MACF1: variants seen among roughly 807,000 people sequenced by gnomAD.
MACF1 encodes the protein microtubule-actin cross-linking factor 1.
Under a neutral mutation model 854.8 loss-of-function variants are expected in MACF1, and 193 were observed. The observed-to-expected ratio is 0.23, with a 90% CI of 0.20 to 0.25. The LOEUF (loss-of-function observed/expected upper bound fraction) is 0.25, where lower values mean the gene tolerates loss of function less well. Ranked by LOEUF, MACF1 falls within the 10% of genes least tolerant of loss-of-function variation. The pLI is 1.00. For missense variants in MACF1, 7,722 were observed against 8,929.1 expected (o/e 0.86, Z 5.45); for synonymous variants, 3,185 against 3,226.7 (o/e 0.99, Z 0.44).
intron 2 of MACF1, among the ~76,000 whole-genome samples, chr1:39,167,119 G>A (rs1643890212): frequency 2.6e-5 from 4 of 151,586 alleles, no homozygotes; most frequent in South Asian, 2.1e-4. Context: ...CTGCCACCAC[G>A]CCCAGCTAAT....
chr1:39,285,500 C>CAT, intron 13 of MACF1, 104 bp from the exon 14 acceptor site: 1 of 1,317,212 alleles, frequency 7.6e-7, no homozygotes, highest in Non-Finnish European at 1.0e-6. Context: ...TATTATTTCC[C>CAT]TTTTTTTTTT....
intron 1 of MACF1, among the ~76,000 whole-genome samples, chr1:39,222,816 T>C (rs1020046837): frequency 2.6e-5 from 4 of 152,224 alleles, no homozygotes; most frequent in African/African-American, 9.6e-5. Flanking sequence ...TCTGGGCTTC[T>C]TGAAGCACTT....
intron 2 of MACF1, among the ~76,000 whole-genome samples, chr1:39,242,522 G>A (rs1644936367): frequency 6.6e-6 from 1 of 152,090 alleles, no homozygotes; most frequent in Non-Finnish European, 1.5e-5. Context: ...GGAGGGTGAG[G>A]CTGGTGGCTT....
At chr1:39,240,894 A>G (rs907394409) in intron 2 of MACF1, among the ~76,000 whole-genome samples, 2 of 152,214 alleles carry the variant, frequency 1.3e-5, no homozygotes, top group African/African-American at 2.4e-5. Context: ...GAATTCTCAA[A>G]ACAGAGATAT....
rs1261855610 is a variant in MACF1, at chr1:39,439,506, A to T, written c.18447+6A>T. The T allele has an allele frequency of 6.2e-7, 1 of 1,609,110 alleles. No homozygotes were observed. Among genetic ancestry groups the T allele is most frequent in the African/African-American group, 1.3e-5 (1 of 74,884 alleles). ...AACAGGTTGAAGCTGCTGAGGTAAG[A>T]AGGAAACAAAACCCTTTTTCTTAGG... On this transcript the variant is annotated splice_donor_region_variant and intron_variant, in intron 72 of 100. Coordinates refer to ENST00000564288, the MANE Select transcript of MACF1 (RefSeq NM_001394062.1).
At position 39,336,054 on chromosome 1, in the gene MACF1, A is replaced by G. The variant is rs1405770037; in HGVS notation, c.9466A>G (p.Lys3156Glu). 3 of 1,613,952 alleles carry G rather than the reference A, an allele frequency of 1.9e-6. No homozygotes were observed. The highest frequency in any genetic ancestry group is 1.3e-5 in the African/African-American group (1 of 74,874). Residue 3156 changes from lysine to glutamate, a missense_variant, in exon 37 of 101, where the codon AAG becomes GAG. Coordinates refer to ENST00000564288, the MANE Select transcript of MACF1 (RefSeq NM_001394062.1). The part of the protein sequence containing the change: ...YQDSWVTSKT[K>E]ETKHQISSSN... ...AGATTCCTGGGTTACTTCGAAAACT[A>G]AGGAAACCAAACATCAAATTTCCTC... is the stretch of plus-strand genomic sequence containing the variant.
At chr1:39,170,673 A>G (rs887874203) in intron 2 of MACF1, among the ~76,000 whole-genome samples, 3 of 152,272 alleles carry the variant, frequency 2.0e-5, no homozygotes, top group Admixed American at 6.5e-5. Context: ...ATATCCACTG[A>G]TACAAATGTA....
At position 39,388,588 on chromosome 1, in the gene MACF1, A is replaced by G. The variant is rs779831172; in HGVS notation, c.15746A>G (p.Glu5249Gly). The G allele has an allele frequency of 1.2e-6, 2 of 1,613,618 alleles. No individual in the cohort carries two copies. The highest frequency in any genetic ancestry group is 1.7e-6 in the Non-Finnish European group (2 of 1,179,896). Residue 5249 changes from glutamate to glycine, a missense_variant, in exon 58 of 101, where the codon GAG becomes GGG. Glu to Gly is a moderately conservative substitution (Grantham distance 98). This residue lies in a region of MACF1 where 2,807 missense variants were observed against 3,235.8 expected (regional missense o/e 0.87). Coordinates refer to ENST00000564288, the MANE Select transcript of MACF1 (RefSeq NM_001394062.1). ...AATGACGCGACCACAGCAGCAGAGGAGGCAGAGGCCCTCCAGTGGGTAGTG... is the reference window on the plus strand; with the variant it reads ...AATGACGCGACCACAGCAGCAGAGGGGGCAGAGGCCCTCCAGTGGGTAGTG... ...GLNDATTAAE[E>G]AEALQWVVGT...
At chr1:39,440,600 T>A (rs973053637) in intron 72 of MACF1, among the ~76,000 whole-genome samples, 1 of 152,190 alleles carries the variant, frequency 6.6e-6, no homozygotes, top group Non-Finnish European at 1.5e-5. Context: ...ACAGAGTTTT[T>A]TTCAAGATCA....
At chr1:39,141,902 A>G (rs1643353981) in intron 2 of MACF1, among the ~76,000 whole-genome samples, 1 of 152,206 alleles carries the variant, frequency 6.6e-6, no homozygotes, top group South Asian at 2.1e-4. Flanking sequence ...TGGAATTGCC[A>G]GTGGTTTTGG....
intron 2 of MACF1, among the ~76,000 whole-genome samples, chr1:39,197,797 G>C (rs1644338881): frequency 6.6e-6 from 1 of 152,190 alleles, no homozygotes; most frequent in Non-Finnish European, 1.5e-5. Flanking sequence ...AAACCAGGAG[G>C]ATTGCTTGAG....
chr1:39,155,170 C>T (rs1008876248), intron 2 of MACF1, among the ~76,000 whole-genome samples: 19 of 152,212 alleles, frequency 1.2e-4, no homozygotes, highest in African/African-American at 4.6e-4. Context: ...TGCACCACCA[C>T]CCTCCTTTCC....
intron 95 of MACF1, among the ~76,000 whole-genome samples, chr1:39,467,365 A>G (rs1313127387): frequency 2.0e-5 from 3 of 151,560 alleles, no homozygotes; most frequent in Non-Finnish European, 4.4e-5. Flanking sequence ...ACTCCATCTC[A>G]AAAAAAAGAA....
At chr1:39,484,186 C>A (rs1272464582) in intron 99 of MACF1, among the ~76,000 whole-genome samples, 1 of 152,166 alleles carries the variant, frequency 6.6e-6, no homozygotes, top group African/African-American at 2.4e-5. Context: ...TGGAGTAATA[C>A]TTGAATCTCC....
chr1:39,254,266 G>A lies in MACF1; in HGVS notation c.358-32G>A, dbSNP rs374647193. ...TCTGTATGGTTAAATTGTGTAGCCA[G>A]AATTAACATCCCTTTTTTTGTTTGT... On this transcript the variant is annotated intron_variant, in intron 4 of 100. Coordinates refer to ENST00000564288, the MANE Select transcript of MACF1 (RefSeq NM_001394062.1). 3.2e-6 allele frequency: 5 copies of A among 1,569,814 alleles called. No individual in the cohort carries two copies. In the East Asian group the frequency reaches 6.7e-5, roughly 21 times the overall value.
chr1:39,293,352 A>G (rs1048023388), intron 17 of MACF1, 106 bp from the exon 18 acceptor site: 1 of 1,073,960 alleles, frequency 9.3e-7, no homozygotes, highest in Non-Finnish European at 1.3e-6. Context: ...CCAGAGATTA[A>G]GAGCAAATTA....
chr1:39,336,060 A>G lies in MACF1; in HGVS notation c.9472A>G (p.Thr3158Ala). ...DSWVTSKTKE[T>A]KHQISSSNEC... ...CTGGGTTACTTCGAAAACTAAGGAA[A>G]CCAAACATCAAATTTCCTCATCTAA... The change falls in exon 37 of 101, where the codon ACC becomes GCC. Residue 3158 changes from threonine to alanine, a missense_variant. Around this residue, in one of 15 missense-constraint regions of MACF1, gnomAD observed 854 missense variants for 852.6 expected, o/e 1.00. Transcript: ENST00000564288. The G allele has an allele frequency of 3.1e-6, 5 of 1,614,042 alleles. No homozygotes were observed. Among genetic ancestry groups the G allele is most frequent in the Non-Finnish European group, 4.2e-6 (5 of 1,180,008 alleles).
chr1:39,158,330 C>G (rs1321170110), intron 2 of MACF1, among the ~76,000 whole-genome samples: 3 of 152,194 alleles, frequency 2.0e-5, no homozygotes, highest in African/African-American at 4.8e-5. Flanking sequence ...TTGACAGTTT[C>G]TGCTTCTTCC....
chr1:39,221,825 T>C (rs979461303), intron 1 of MACF1, among the ~76,000 whole-genome samples: 3 of 152,222 alleles, frequency 2.0e-5, no homozygotes, highest in Non-Finnish European at 4.4e-5. Flanking sequence ...CTGGTTCTTC[T>C]GCCTCTTAGT....
Sources: gnomAD v4.1 joint callset for allele counts (sites outside exome capture counted in the v4.1 genomes callset) on GRCh38, gnomAD v4.1.1 for gene constraint, gnomAD v4.1.1 regional missense constraint, MANE v1.5 for transcripts, NCBI Gene and HGNC (gene_info 2026-07-23, HGNC 2026-07-21) for gene names.